ARHGAP42: variants seen among roughly 807,000 people sequenced by gnomAD.
ARHGAP42 encodes the protein rho GTPase-activating protein 42.
Under a neutral mutation model 125.0 loss-of-function variants are expected in ARHGAP42, and 63 were observed. The observed-to-expected ratio is 0.50, with a 90% CI of 0.41 to 0.62. The LOEUF is 0.62. ARHGAP42 is among the 20% of genes least tolerant of loss of function. The pLI is 0.00. For synonymous variants in ARHGAP42, 339 were observed against 351.0 expected (o/e 0.97, Z 0.38); for missense variants, 766 against 1,024.2 (o/e 0.75, Z 3.44).
At chr11:100,959,094 G>T (rs1057442200) in intron 12 of ARHGAP42, among the ~76,000 whole-genome samples, 1 of 151,528 alleles carries the variant, frequency 6.6e-6, no homozygotes, top group African/African-American at 2.4e-5. Flanking sequence ...ACCACGTGAT[G>T]AAAATTTGTA....
Position 100,915,889 on chromosome 11 carries a change from G to A in ARHGAP42, c.486+2336G>A, listed in dbSNP as rs184510716. ...CTTCGCCCCTCTAGGAATCAGACCT[G>A]TTGTAGGGAGATGCTGTCATAAACA... On this transcript the variant is annotated intron_variant, in intron 5 of 23. Coordinates refer to ENST00000298815, the MANE Select transcript of ARHGAP42 (RefSeq NM_152432.4). Among the ~76,000 whole-genome samples, 275 of 152,234 alleles carry A rather than the reference G, an allele frequency of 1.8e-3. 1 individual carries two copies. Among genetic ancestry groups the A allele is most frequent in the Non-Finnish European group, 8.7e-4 (59 of 67,990 alleles).
chr11:100,689,475 T>C (rs1861150419), intron 1 of ARHGAP42, among the ~76,000 whole-genome samples: 1 of 152,196 alleles, frequency 6.6e-6, no homozygotes, highest in South Asian at 2.1e-4. Flanking sequence ...AAGGTCAAAA[T>C]ACTTACATAC....
intron 23 of ARHGAP42, among the ~76,000 whole-genome samples, chr11:100,988,449 A>G (rs867946705): frequency 5.9e-5 from 9 of 152,220 alleles, no homozygotes; most frequent in Non-Finnish European, 1.3e-4. Flanking sequence ...TTTACATAGT[A>G]TTTACATTGT....
chr11:100,789,057 A>G (rs1863501690), intron 2 of ARHGAP42, among the ~76,000 whole-genome samples: 1 of 152,076 alleles, frequency 6.6e-6, no homozygotes, highest in Non-Finnish European at 1.5e-5. Flanking sequence ...CATATGACCA[A>G]GTCATCTGCT....
At chr11:100,779,458 A>T (rs1193282787) in intron 2 of ARHGAP42, among the ~76,000 whole-genome samples, 22 of 94,680 alleles carry the variant, frequency 2.3e-4, no homozygotes, top group East Asian at 6.6e-4. Context: ...AAAAAAAAAA[A>T]AAAAAAAAAA....
intron 2 of ARHGAP42, among the ~76,000 whole-genome samples, chr11:100,794,075 C>CCAA: frequency 2.2e-5 from 1 of 44,844 alleles, no homozygotes; most frequent in East Asian, 1.4e-3. Context: ...GACCCTGTCT[C>CCAA]AAAAAAAAAA....
intron 4 of ARHGAP42, among the ~76,000 whole-genome samples, chr11:100,895,587 A>C (rs917737093): frequency 4.6e-5 from 7 of 150,820 alleles, no homozygotes; most frequent in African/African-American, 1.7e-4. Flanking sequence ...ACAAGTTCAG[A>C]CCATGTTCTT....
At chr11:100,710,009 C>T (rs1313995625) in intron 1 of ARHGAP42, among the ~76,000 whole-genome samples, 1 of 152,052 alleles carries the variant, frequency 6.6e-6, no homozygotes, top group Non-Finnish European at 1.5e-5. Context: ...GGGAATTCAG[C>T]GGGGTCGGGG....
intron 1 of ARHGAP42, among the ~76,000 whole-genome samples, chr11:100,751,631 A>G (rs1862460198): frequency 6.6e-6 from 1 of 151,836 alleles, no homozygotes; most frequent in South Asian, 2.1e-4. Context: ...GCAGCTGGGA[A>G]AGCCCTCACT....
At chr11:100,979,141 C>T in intron 22 of ARHGAP42, 92 bp downstream of exon 22, 1 of 1,249,864 alleles carries the variant, frequency 8.0e-7, no homozygotes, top group Non-Finnish European at 1.1e-6. Flanking sequence ...AGCTCCGCCT[C>T]TCCATTATGC....
At chr11:100,747,976 C>G (rs570272298) in intron 1 of ARHGAP42, among the ~76,000 whole-genome samples, 1 of 151,290 alleles carries the variant, frequency 6.6e-6, no homozygotes, top group African/African-American at 2.4e-5. Flanking sequence ...TAAATTCTAC[C>G]CCCCACCCCC....
intron 4 of ARHGAP42, among the ~76,000 whole-genome samples, chr11:100,863,854 G>C (rs193264442): frequency 3.0e-4 from 46 of 152,310 alleles, no homozygotes; most frequent in Non-Finnish European, 4.4e-5. Flanking sequence ...TAGAATACTA[G>C]TGGAAAGCAG....
intron 1 of ARHGAP42, among the ~76,000 whole-genome samples, chr11:100,730,275 T>C (rs1247722970): frequency 6.6e-6 from 1 of 152,154 alleles, no homozygotes; most frequent in Non-Finnish European, 1.5e-5. Context: ...AACTGCATCA[T>C]GGTTTTTTAT....
At chr11:100,865,761 T>C (rs556634198) in intron 4 of ARHGAP42, among the ~76,000 whole-genome samples, 6 of 152,220 alleles carry the variant, frequency 3.9e-5, no homozygotes, top group Non-Finnish European at 8.8e-5. Context: ...ATTAAAAATA[T>C]TTTATTACTA....
chr11:100,856,976 T>A (rs1348814823), intron 3 of ARHGAP42, among the ~76,000 whole-genome samples: 2 of 152,076 alleles, frequency 1.3e-5, no homozygotes, highest in African/African-American at 4.8e-5. Context: ...TCTTCAACAT[T>A]CATGTTTTTA....
chr11:100,988,689 C>G lies in ARHGAP42; in HGVS notation c.2537-24C>G, dbSNP rs1002367454. 2.0e-6 allele frequency: 3 copies of G among 1,502,020 alleles called. No homozygotes were observed. The Admixed American group carries it at 6.0e-5, about 30-fold the overall frequency. The allele number at this position is 1,502,020 out of a possible 1,614,324, so 93.0% of individuals were successfully genotyped here. On this transcript the variant is annotated intron_variant, in intron 23 of 23. Coordinates refer to ENST00000298815, the MANE Select transcript of ARHGAP42 (RefSeq NM_152432.4). ...ATTTGACACTAATGTTGACTGAGTG[C>G]TATTTATTTATTTATTTTGCCAGTG... is the stretch of plus-strand genomic sequence containing the variant.
At chr11:100,939,903 A>G (rs1444858866) in intron 8 of ARHGAP42, among the ~76,000 whole-genome samples, 1 of 152,180 alleles carries the variant, frequency 6.6e-6, no homozygotes, top group Non-Finnish European at 1.5e-5. Context: ...TGCAGCAGCT[A>G]TATTTTAAAA....
At chr11:100,986,795 C>T (rs900682834) in intron 22 of ARHGAP42, among the ~76,000 whole-genome samples, 2 of 151,242 alleles carry the variant, frequency 1.3e-5, no homozygotes, top group African/African-American at 4.9e-5. Context: ...AGTGTTGGCT[C>T]AAATATTTTT....
intron 1 of ARHGAP42, among the ~76,000 whole-genome samples, chr11:100,733,874 A>T (rs77431356): frequency 0.051 from 7,348 of 143,126 alleles, 307 homozygotes; most frequent in East Asian, 0.17. Context: ...TACAAATTAG[A>T]TACAGTTGCT....
Sources: allele counts gnomAD v4.1 joint callset (sites outside exome capture counted in the v4.1 genomes callset), GRCh38; gene constraint gnomAD v4.1.1; transcripts MANE v1.5; gene names NCBI Gene and HGNC (gene_info 2026-07-23, HGNC 2026-07-21).